Variants in MCU observed in about 807,000 individuals in gnomAD.
MCU encodes calcium uniporter protein, mitochondrial.
A neutral mutation model predicts 45.2 loss-of-function variants in MCU; 12 were observed. That is an observed-to-expected ratio of 0.27 (90% confidence interval 0.17 to 0.43). The LOEUF (loss-of-function observed/expected upper bound fraction) is 0.43, where lower values mean the gene tolerates loss of function less well. Ranked by LOEUF, MCU falls within the 20% of genes least tolerant of loss-of-function variation. The pLI, the probability that MCU is intolerant of heterozygous loss-of-function variation, is 1.00. For synonymous variants in MCU, 160 were observed against 165.1 expected (o/e 0.97, Z 0.24); for missense variants, 324 against 436.7 (o/e 0.74, Z 2.30).
chr10:72,698,804 C>T (rs1017131240), intron 1 of MCU, among the ~76,000 whole-genome samples: 1 of 152,026 alleles, frequency 6.6e-6, no homozygotes, highest in Non-Finnish European at 1.5e-5. Context: ...CATGCTCAGC[C>T]CTTTATTCTT....
chr10:72,708,510 A>G (rs1215788373), intron 1 of MCU, among the ~76,000 whole-genome samples: 1 of 152,226 alleles, frequency 6.6e-6, no homozygotes, highest in Non-Finnish European at 1.5e-5. Context: ...TGCAGGAGTC[A>G]ATAGGCATAG....
chr10:72,736,953 A>G (rs987808060), intron 1 of MCU, among the ~76,000 whole-genome samples: 2 of 152,242 alleles, frequency 1.3e-5, no homozygotes, highest in Admixed American at 6.5e-5. Context: ...GTCGCTTTCA[A>G]TGTTTAAAAA....
intron 1 of MCU, among the ~76,000 whole-genome samples, chr10:72,830,998 C>T (rs879927234): frequency 1.3e-5 from 2 of 152,180 alleles, no homozygotes; most frequent in Non-Finnish European, 2.9e-5. Context: ...TCTCATGAGT[C>T]CTACTTCTAC....
At chr10:72,860,629 A>T in intron 4 of MCU, 102 bp downstream of exon 4, 1 of 860,956 alleles carries the variant, frequency 1.2e-6, no homozygotes, top group Non-Finnish European at 1.9e-6. Context: ...GACAGTATTC[A>T]AAGAACACTG....
At chr10:72,715,422 T>C (rs1295146164) in intron 1 of MCU, among the ~76,000 whole-genome samples, 1 of 152,162 alleles carries the variant, frequency 6.6e-6, no homozygotes, top group African/African-American at 2.4e-5. Flanking sequence ...CAATAGAATA[T>C]TTTTACTATG....
chr10:72,834,503 C>T, intron 2 of MCU, 75 bp downstream of exon 2: 1 of 1,280,802 alleles, frequency 7.8e-7, no homozygotes, highest in South Asian at 1.3e-5. Context: ...TTCTCTGACA[C>T]AAAAATTTAT....
intron 6 of MCU, among the ~76,000 whole-genome samples, chr10:72,871,821 G>A (rs972731636): frequency 6.6e-6 from 1 of 152,164 alleles, no homozygotes. Flanking sequence ...AAGCCATGTA[G>A]ACCATTAAAT....
At chr10:72,717,932 A>C (rs1842974342) in intron 1 of MCU, among the ~76,000 whole-genome samples, 1 of 152,212 alleles carries the variant, frequency 6.6e-6, no homozygotes, top group African/African-American at 2.4e-5. Flanking sequence ...AAGATCTTAC[A>C]CAGAATCCCC....
chr10:72,750,276 A>G (rs1025225365), intron 1 of MCU, among the ~76,000 whole-genome samples: 7 of 152,210 alleles, frequency 4.6e-5, no homozygotes, highest in Non-Finnish European at 1.0e-4. Context: ...ACAGACGAAC[A>G]GTTTCTCCCA....
chr10:72,814,533 C>G (rs1844596109), intron 1 of MCU, among the ~76,000 whole-genome samples: 1 of 152,050 alleles, frequency 6.6e-6, no homozygotes, highest in South Asian at 2.1e-4. Flanking sequence ...TTTTACTCTT[C>G]CTTTCTTTTT....
chr10:72,819,754 A>C (rs1230772754), intron 1 of MCU, among the ~76,000 whole-genome samples: 2 of 103,222 alleles, frequency 1.9e-5, no homozygotes, highest in Admixed American at 2.5e-4. Flanking sequence ...TTTTGCACTG[A>C]GCCATTTGAG....
At chr10:72,805,163 C>CTTTT in intron 1 of MCU, among the ~76,000 whole-genome samples, 1 of 134,674 alleles carries the variant, frequency 7.4e-6, no homozygotes, top group South Asian at 2.2e-4. Flanking sequence ...TTCTTTCTGT[C>CTTTT]TCTCTCTCTC....
At chr10:72,715,834 G>T in intron 1 of MCU, 1 of 983,998 alleles carries the variant, frequency 1.0e-6, no homozygotes, top group Non-Finnish European at 1.2e-6. Context: ...AAGGGAGAGT[G>T]TTTTCCTGCT....
intron 1 of MCU, among the ~76,000 whole-genome samples, chr10:72,780,239 T>C (rs981093875): frequency 5.9e-5 from 9 of 152,036 alleles, no homozygotes; most frequent in African/African-American, 1.9e-4. Flanking sequence ...AAAAGTAGAT[T>C]AGTGGTTGCC....
chr10:72,861,981 CTTTTTT>C (rs1252900155), intron 4 of MCU, among the ~76,000 whole-genome samples: 1 of 131,872 alleles, frequency 7.6e-6, no homozygotes. Context: ...TGAGTTGTGT[CTTTTTT>C]TTTTTTTTTT....
intron 1 of MCU, among the ~76,000 whole-genome samples, chr10:72,740,167 G>A (rs1843306901): frequency 6.6e-6 from 1 of 151,680 alleles, no homozygotes; most frequent in South Asian, 2.1e-4. Context: ...GGATCACAAG[G>A]TCAGGAGATG....
chr10:72,838,083 G>C (rs1041762453), intron 2 of MCU, among the ~76,000 whole-genome samples: 1 of 151,522 alleles, frequency 6.6e-6, no homozygotes, highest in South Asian at 2.1e-4. Flanking sequence ...GGATGGTCTC[G>C]ATCTCTTGAC....
At chr10:72,878,111 C>CTGTTT (rs1845644530) in intron 6 of MCU, among the ~76,000 whole-genome samples, 1 of 77,950 alleles carries the variant, frequency 1.3e-5, no homozygotes, top group African/African-American at 5.9e-5. Context: ...AATAATTTTG[C>CTGTTT]TTTTTTTTTT....
At chr10:72,804,779 G>A (rs571836056) in intron 1 of MCU, among the ~76,000 whole-genome samples, 21 of 152,242 alleles carry the variant, frequency 1.4e-4, no homozygotes, top group South Asian at 1.2e-3. Flanking sequence ...CGTCTTAGCC[G>A]ATAAATTTCT....
Sources: allele counts gnomAD v4.1 joint callset (sites outside exome capture counted in the v4.1 genomes callset), GRCh38; gene constraint gnomAD v4.1.1; transcripts MANE v1.5; gene names NCBI Gene and HGNC (gene_info 2026-07-23, HGNC 2026-07-21).